TP63: variants seen among roughly 807,000 people sequenced by gnomAD.
TP63 encodes the protein tumor protein p63.
TP63 carries 17 observed loss-of-function variants against 82.8 expected under a neutral mutation model. The ratio of observed to expected loss-of-function variants is 0.21; its 90% CI spans 0.14 to 0.31. TP63 has a LOEUF of 0.31. TP63 is among the 10% of genes least tolerant of loss of function. The pLI is 1.00. For synonymous variants in TP63, 330 were observed against 321.7 expected (o/e 1.03, Z -0.28); for missense variants, 648 against 895.3 (o/e 0.72, Z 3.52).
intron 4 of TP63, among the ~76,000 whole-genome samples, chr3:189,819,344 G>A (rs750761990): frequency 6.6e-6 from 1 of 151,886 alleles, no homozygotes; most frequent in Non-Finnish European, 1.5e-5. Flanking sequence ...TGCACAATGT[G>A]CAGGTTTGTT....
chr3:189,617,001 A>G, the TP63 span, among the ~76,000 whole-genome samples: 2 of 152,162 alleles, frequency 1.3e-5, no homozygotes, highest in Non-Finnish European at 2.9e-5. Context: ...AAAAATAACT[A>G]TCAGGCTTTC....
At chr3:189,646,417 G>A (rs994102361) in intron 1 of TP63, among the ~76,000 whole-genome samples, 9 of 146,980 alleles carry the variant, frequency 6.1e-5, no homozygotes, top group African/African-American at 2.3e-4. Context: ...AATATGTATT[G>A]TTTTCTTCTC....
intron 1 of TP63, among the ~76,000 whole-genome samples, chr3:189,651,517 G>A (rs536432997): frequency 7.1e-6 from 1 of 140,962 alleles, no homozygotes; most frequent in Admixed American, 7.0e-5. Context: ...CTGCATTTCA[G>A]CCTGGGCAAC....
chr3:189,701,512 GATATATATACATAT>G (rs200365816), intron 1 of TP63, among the ~76,000 whole-genome samples: 3,817 of 103,188 alleles, frequency 0.037, 71 homozygotes, highest in Non-Finnish European at 0.051. Context: ...AATGTGAGGA[GATATATATACATAT>G]ATATATATAT....
intron 12 of TP63, among the ~76,000 whole-genome samples, chr3:189,890,377 G>A (rs1720893468): frequency 1.3e-5 from 2 of 152,108 alleles, no homozygotes. Flanking sequence ...AACCACATGA[G>A]CCATTCTCAC....
chr3:189,721,275 G>A (rs117294724), intron 1 of TP63, among the ~76,000 whole-genome samples: 1,655 of 152,274 alleles, frequency 0.011, 23 homozygotes, highest in East Asian at 0.058. Context: ...ACAGAGAGAG[G>A]AACAATAGGT....
chr3:189,846,220 T>C (rs1203551517), intron 4 of TP63, among the ~76,000 whole-genome samples: 1 of 152,162 alleles, frequency 6.6e-6, no homozygotes, highest in Non-Finnish European at 1.5e-5. Context: ...GAACATGATA[T>C]TTGGCTTTAA....
chr3:189,617,273 T>A, the TP63 span, among the ~76,000 whole-genome samples: 2 of 152,220 alleles, frequency 1.3e-5, no homozygotes, highest in Non-Finnish European at 2.9e-5. Context: ...AGCAGCCCAG[T>A]TATCTTCAGT....
the TP63 span, among the ~76,000 whole-genome samples, chr3:189,625,884 C>T: frequency 1.3e-5 from 2 of 152,162 alleles, no homozygotes; most frequent in African/African-American, 2.4e-5. Flanking sequence ...TGGAGGGTAT[C>T]AGGTTTGTCT....
rs1373411329 is a variant in TP63 at position 189,868,701 on chromosome 3, G to A, written c.1114G>A (p.Asp372Asn). Residue 372 changes from aspartate to asparagine, a missense_variant, in exon 8 of 14, where the codon GAT (aspartate) becomes AAT (asparagine). Transcript: ENST00000264731. The stretch of plus-strand genomic sequence containing the variant: ...AGTTTCGGACAGTACAAAGAACGGT[G>A]ATGGTACGAAGCGCCGTAAGTAGAT... ...QQVSDSTKNG[D>N]GTKRPFRQNT... is the part of the protein sequence containing the mutation. The A allele has an allele frequency of 6.2e-7, 1 of 1,614,100 alleles. No individual in the cohort carries two copies. The highest frequency in any genetic ancestry group is 8.5e-7 in the Non-Finnish European group (1 of 1,179,990).
At chr3:189,630,462 G>C (rs989297344), upstream of TP63, among the ~76,000 whole-genome samples, 1 of 152,066 alleles carries the variant, frequency 6.6e-6, no homozygotes, top group African/African-American at 2.4e-5. Flanking sequence ...GGGAATATAT[G>C]AACAATTTTA....
intron 3 of TP63, chr3:189,789,966 A>G (rs1403836382): frequency 9.1e-6 from 8 of 883,390 alleles, no homozygotes; most frequent in Non-Finnish European, 1.2e-5. Flanking sequence ...GTATATAGGA[A>G]TCTCCTTTTC....
At chr3:189,647,989 GATTA>G (rs1712567747) in intron 1 of TP63, among the ~76,000 whole-genome samples, 1 of 107,906 alleles carries the variant, frequency 9.3e-6, no homozygotes, top group Admixed American at 1.1e-4. Context: ...CACATAGAAA[GATTA>G]AATAAACGAA....
chr3:189,867,718 G>T, intron 6 of TP63, 115 bp from the exon 7 acceptor site: 1 of 968,788 alleles, frequency 1.0e-6, no homozygotes, highest in Non-Finnish European at 1.6e-6. Context: ...GCCCTTTTAG[G>T]AGGAAGCGTA....
intron 1 of TP63, among the ~76,000 whole-genome samples, chr3:189,659,782 C>G (rs886930401): frequency 6.6e-6 from 1 of 151,898 alleles, no homozygotes; most frequent in Non-Finnish European, 1.5e-5. Context: ...GTGGTTTTGA[C>G]TTGCATTTTC....
chr3:189,769,001 G>T (rs1723145999), intron 3 of TP63, among the ~76,000 whole-genome samples: 1 of 152,150 alleles, frequency 6.6e-6, no homozygotes, highest in African/African-American at 2.4e-5. Context: ...CTAACTATTT[G>T]TGTAACATCA....
chr3:189,793,771 A>T (rs1414602675), intron 3 of TP63, among the ~76,000 whole-genome samples: 2 of 152,212 alleles, frequency 1.3e-5, no homozygotes, highest in East Asian at 1.9e-4. Flanking sequence ...CAACTTGATG[A>T]TTTCCATAAT....
chr3:189,769,214 A>G (rs1173952137), intron 3 of TP63, among the ~76,000 whole-genome samples: 1 of 152,128 alleles, frequency 6.6e-6, no homozygotes, highest in East Asian at 1.9e-4. Context: ...TATTTTTTCA[A>G]TGTTTAATAC....
chr3:189,825,121 A>T (rs1349627772), intron 4 of TP63, among the ~76,000 whole-genome samples: 1 of 152,224 alleles, frequency 6.6e-6, no homozygotes. Context: ...AGCTTGCAGG[A>T]GAACATCTGC....
Sources: gnomAD v4.1 joint callset for allele counts (sites outside exome capture counted in the v4.1 genomes callset) on GRCh38, gnomAD v4.1.1 for gene constraint, MANE v1.5 for transcripts, NCBI Gene and HGNC (gene_info 2026-07-23, HGNC 2026-07-21) for gene names.